Variants in PTPRD observed in about 807,000 individuals in gnomAD.
PTPRD encodes the protein receptor-type tyrosine-protein phosphatase delta.
Under a neutral mutation model 214.5 loss-of-function variants are expected in PTPRD, and 34 were observed. That is an observed-to-expected ratio of 0.16 (90% confidence interval 0.12 to 0.21). PTPRD has a LOEUF of 0.21. Ranked by LOEUF, PTPRD falls within the 10% of genes least tolerant of loss-of-function variation. The pLI is 1.00. For missense variants in PTPRD, 2,545 were observed against 2,398.7 expected (o/e 1.06, Z -1.27); for synonymous variants, 1,128 against 845.7 (o/e 1.33, Z -5.79).
intron 3 of PTPRD, among the ~76,000 whole-genome samples, chr9:10,333,917 T>C (rs2096796424): frequency 6.6e-6 from 1 of 151,830 alleles, no homozygotes; most frequent in South Asian, 2.1e-4. Context: ...TACTTTCTGT[T>C]GTTGAAGAAA....
At chr9:9,515,398 A>G (rs1010228234) in intron 8 of PTPRD, among the ~76,000 whole-genome samples, 2 of 152,116 alleles carry the variant, frequency 1.3e-5, no homozygotes, top group African/African-American at 2.4e-5. Context: ...ACTATTCCCA[A>G]TGCAGAGAAT....
At chr9:9,153,267 G>A (rs1569555008) in intron 10 of PTPRD, among the ~76,000 whole-genome samples, 1 of 152,132 alleles carries the variant, frequency 6.6e-6, no homozygotes, top group Non-Finnish European at 1.5e-5. Context: ...ACTGCTAAAT[G>A]GATGGAAAAT....
chr9:8,514,701 G>A (rs2097754235), intron 21 of PTPRD, among the ~76,000 whole-genome samples: 1 of 151,678 alleles, frequency 6.6e-6, no homozygotes, highest in Non-Finnish European at 1.5e-5. Flanking sequence ...TACCTACACT[G>A]GCATAAAAAC....
chr9:9,775,911 G>A (rs563333538), intron 5 of PTPRD, among the ~76,000 whole-genome samples: 7 of 130,840 alleles, frequency 5.4e-5, no homozygotes, highest in East Asian at 2.7e-4. Context: ...AGCCAAGATC[G>A]GGCCACTGCC....
intron 3 of PTPRD, among the ~76,000 whole-genome samples, chr9:10,040,899 T>C (rs367862900): frequency 6.6e-6 from 1 of 152,070 alleles, no homozygotes; most frequent in Non-Finnish European, 1.5e-5. Context: ...GAGCTATTAT[T>C]GGGCAACTCC....
At chr9:10,194,910 A>G (rs2099391300) in intron 3 of PTPRD, among the ~76,000 whole-genome samples, 1 of 151,544 alleles carries the variant, frequency 6.6e-6, no homozygotes, top group Non-Finnish European at 1.5e-5. Flanking sequence ...AGTGACTGAC[A>G]GAAGAAAAAA....
chr9:10,534,648 G>A (rs1342542476), intron 2 of PTPRD, among the ~76,000 whole-genome samples: 1 of 151,968 alleles, frequency 6.6e-6, no homozygotes, highest in Non-Finnish European at 1.5e-5. Flanking sequence ...TCCTTACTAG[G>A]TTGGCAGACA....
At chr9:9,654,705 G>C (rs1472595598) in intron 7 of PTPRD, among the ~76,000 whole-genome samples, 1 of 152,130 alleles carries the variant, frequency 6.6e-6, no homozygotes, top group African/African-American at 2.4e-5. Flanking sequence ...TAGCTAGAAG[G>C]AGTAACAGTG....
chr9:10,218,529 T>C (rs1487087067), intron 3 of PTPRD, among the ~76,000 whole-genome samples: 3 of 151,912 alleles, frequency 2.0e-5, no homozygotes, highest in Non-Finnish European at 4.4e-5. Context: ...TGTCACGTTC[T>C]AGTGGTTTTT....
At chr9:10,089,799 C>T (rs12554771) in intron 3 of PTPRD, among the ~76,000 whole-genome samples, 22 of 151,666 alleles carry the variant, frequency 1.5e-4, no homozygotes, top group Admixed American at 7.3e-4. Flanking sequence ...AACTAGGTGA[C>T]GGGCATCGGG....
chr9:10,437,537 G>A (rs1166592339), intron 2 of PTPRD, among the ~76,000 whole-genome samples: 3 of 151,724 alleles, frequency 2.0e-5, no homozygotes, highest in African/African-American at 7.3e-5. Flanking sequence ...ATGTATGAAC[G>A]ATGCTTGATT....
At position 10,062,037 on chromosome 9, in the gene PTPRD, T is replaced by G. The variant is rs552713384; in HGVS notation, c.-544-28247A>C. On this transcript the variant is annotated intron_variant, in intron 3 of 45. Transcript: ENST00000381196. ...CTAGAATTCGAGAACCATTGATTGA[T>G]TGATACTGTTAAAAGATTGAATAAA... 7.6e-4 allele frequency among the ~76,000 whole-genome samples: 116 copies of G among 152,124 alleles called. 2 individuals are homozygous for G. In the South Asian group the frequency reaches 0.022, roughly 29 times the overall value.
chr9:8,724,507 G>A (rs968074184), intron 12 of PTPRD, among the ~76,000 whole-genome samples: 1 of 152,122 alleles, frequency 6.6e-6, no homozygotes, highest in Non-Finnish European at 1.5e-5. Context: ...CCACCATGCT[G>A]CCTCATTGCT....
intron 12 of PTPRD, among the ~76,000 whole-genome samples, chr9:8,650,355 CTCTG>C (rs1222818608): frequency 6.6e-6 from 1 of 151,854 alleles, no homozygotes; most frequent in Non-Finnish European, 1.5e-5. Context: ...CATGGAGAAA[CTCTG>C]TCTCTACTAA....
chr9:8,878,981 A>C (rs1256483572), intron 11 of PTPRD, among the ~76,000 whole-genome samples: 1 of 152,234 alleles, frequency 6.6e-6, no homozygotes, highest in Non-Finnish European at 1.5e-5. Flanking sequence ...TGTGTTCACC[A>C]GGCTTTCCTG....
At chr9:10,080,593 T>C (rs1320719341) in intron 3 of PTPRD, among the ~76,000 whole-genome samples, 1 of 152,136 alleles carries the variant, frequency 6.6e-6, no homozygotes, top group African/African-American at 2.4e-5. Context: ...AAACATGTTC[T>C]ACATGCAAAT....
At chr9:10,381,547 T>C (rs2097825417) in intron 2 of PTPRD, among the ~76,000 whole-genome samples, 1 of 151,998 alleles carries the variant, frequency 6.6e-6, no homozygotes, top group South Asian at 2.1e-4. Flanking sequence ...TTCCTTGACA[T>C]TCATGGTCCC....
chr9:9,630,500 T>C (rs1464675021), intron 7 of PTPRD, among the ~76,000 whole-genome samples: 2 of 152,162 alleles, frequency 1.3e-5, no homozygotes, highest in Non-Finnish European at 2.9e-5. Flanking sequence ...GAGATAACAA[T>C]TGACCTTGAA....
At chr9:8,414,960 A>AGAGAGG (rs1458270365) in intron 35 of PTPRD, among the ~76,000 whole-genome samples, 53 of 143,030 alleles carry the variant, frequency 3.7e-4, no homozygotes, top group Non-Finnish European at 6.5e-4. Context: ...AGAGAGAGAG[A>AGAGAGG]GAGAGAGAGA....
Sources: gnomAD v4.1 joint callset for allele counts (sites outside exome capture counted in the v4.1 genomes callset) on GRCh38, gnomAD v4.1.1 for gene constraint, MANE v1.5 for transcripts, NCBI Gene and HGNC (gene_info 2026-07-23, HGNC 2026-07-21) for gene names.